The following KCNK2 variants were observed in gnomAD, a reference collection of about 807,000 sequenced individuals.
The protein encoded by KCNK2 is potassium channel subfamily K member 2.
Under a neutral mutation model 40.5 loss-of-function variants are expected in KCNK2, and 21 were observed. The ratio of observed to expected loss-of-function variants is 0.52; its 90% confidence interval spans 0.37 to 0.75. KCNK2 has a LOEUF of 0.75. Among genes scored for constraint, KCNK2 ranks in the 30% least tolerant of loss-of-function variants. KCNK2 has a pLI of 0.00. For missense variants in KCNK2, 399 were observed against 531.6 expected (o/e 0.75, Z 2.45); for synonymous variants, 191 against 202.2 (o/e 0.94, Z 0.47).
intron 2 of KCNK2, among the ~76,000 whole-genome samples, chr1:215,093,392 A>G (rs1659779408): frequency 1.5e-5 from 2 of 136,472 alleles, no homozygotes; most frequent in South Asian, 4.3e-4. Flanking sequence ...CATATAATAT[A>G]CCTATAATAT....
intron 2 of KCNK2, among the ~76,000 whole-genome samples, chr1:215,122,902 G>A (rs1233457317): frequency 2.0e-5 from 3 of 151,606 alleles, no homozygotes; most frequent in South Asian, 2.1e-4. Flanking sequence ...CCGCTACCAC[G>A]CTCGGCTAGT....
chr1:215,102,302 T>C (rs1660256353), intron 2 of KCNK2, among the ~76,000 whole-genome samples: 1 of 151,966 alleles, frequency 6.6e-6, no homozygotes, highest in Non-Finnish European at 1.5e-5. Flanking sequence ...TAGCCTAATA[T>C]GTGTGTTTGT....
At chr1:215,155,249 C>G (rs1235328956) in intron 3 of KCNK2, among the ~76,000 whole-genome samples, 1 of 151,938 alleles carries the variant, frequency 6.6e-6, no homozygotes, top group Non-Finnish European at 1.5e-5. Context: ...CATTTACATA[C>G]TGGAGTCCTT....
chr1:215,147,953 C>CT (rs1292022264), intron 3 of KCNK2, among the ~76,000 whole-genome samples: 5 of 151,946 alleles, frequency 3.3e-5, no homozygotes, highest in Non-Finnish European at 7.4e-5. Context: ...GTATGTTGCT[C>CT]TTTTTTCTCA....
intron 4 of KCNK2, 37 bp downstream of exon 4, chr1:215,169,396 GT>G (rs1663595216): frequency 6.7e-7 from 1 of 1,487,300 alleles, no homozygotes; most frequent in Non-Finnish European, 9.1e-7. Context: ...TATATTTATT[GT>G]TTGATTTTTT....
Position 215,083,194 on chromosome 1 carries a change from T to TGCCC in KCNK2, c.-192_-191insGCCC. The TGCCC allele has an allele frequency of 3.6e-5, 18 of 501,814 alleles. No individual in the cohort carries two copies. Among genetic ancestry groups the TGCCC allele is most frequent in the Non-Finnish European group, 3.6e-5 (11 of 301,554 alleles). 31.1% of individuals were successfully genotyped at this position (501,814 alleles called of 1,614,324 possible). On this transcript the variant is annotated 5_prime_UTR_variant, in exon 1 of 7. Transcript: ENST00000444842. Reference sequence around the variant, plus strand: ...CCCGCGATTTCGTTTCTTCTCACGCTCCCCCCCCCGCCCCCTCCCGCGTCC... The same window carrying TGCCC: ...CCCGCGATTTCGTTTCTTCTCACGCTGCCCCCCCCCCCCGCCCCCTCCCGCGTCC...
At chr1:215,053,784 T>A (rs1383429700) in intron 1 of KCNK2, among the ~76,000 whole-genome samples, 3 of 152,152 alleles carry the variant, frequency 2.0e-5, no homozygotes, top group Non-Finnish European at 2.9e-5. Flanking sequence ...CTGGCCAACA[T>A]GGCAAAACCC....
At chr1:215,016,970 C>G (rs1448217636) in intron 1 of KCNK2, among the ~76,000 whole-genome samples, 1 of 152,038 alleles carries the variant, frequency 6.6e-6, no homozygotes, top group African/African-American at 2.4e-5. Context: ...AGAAGACATA[C>G]AGACAGGTGT....
At chr1:215,205,390 A>G (rs1214792792) in intron 6 of KCNK2, among the ~76,000 whole-genome samples, 1 of 151,976 alleles carries the variant, frequency 6.6e-6, no homozygotes, top group Non-Finnish European at 1.5e-5. Flanking sequence ...GGCACACACC[A>G]CCACGCCCGG....
chr1:215,035,826 C>A (rs1657363745), intron 1 of KCNK2, among the ~76,000 whole-genome samples: 1 of 151,768 alleles, frequency 6.6e-6, no homozygotes, highest in Non-Finnish European at 1.5e-5. Flanking sequence ...ACTTTCGAAC[C>A]CAGCTGTGTA....
intron 3 of KCNK2, among the ~76,000 whole-genome samples, chr1:215,154,937 T>C (rs1662849889): frequency 6.6e-6 from 1 of 152,340 alleles, no homozygotes; most frequent in Non-Finnish European, 1.5e-5. Context: ...CATTGGCCTG[T>C]ATGTCTGTTT....
intron 1 of KCNK2, among the ~76,000 whole-genome samples, chr1:215,027,370 G>C (rs2841599): frequency 0.44 from 66,767 of 151,882 alleles, 16,361 homozygotes; most frequent in Non-Finnish European, 0.55. Context: ...AATACATTGA[G>C]TCTTGGTTTT....
chr1:215,097,045 A>G (rs1256659884), intron 2 of KCNK2, among the ~76,000 whole-genome samples: 1 of 151,940 alleles, frequency 6.6e-6, no homozygotes, highest in African/African-American at 2.4e-5. Flanking sequence ...ATGAACAGCA[A>G]GCAGAATAAT....
chr1:215,043,796 T>G (rs987117199), intron 1 of KCNK2, among the ~76,000 whole-genome samples: 32 of 152,192 alleles, frequency 2.1e-4, no homozygotes, highest in Non-Finnish European at 7.4e-5. Flanking sequence ...TGCTAAAATG[T>G]TATTGTTATA....
intron 2 of KCNK2, among the ~76,000 whole-genome samples, chr1:215,104,443 A>G (rs577006619): frequency 6.6e-6 from 1 of 152,144 alleles, no homozygotes; most frequent in East Asian, 1.9e-4. Context: ...CCTACACAGC[A>G]GCAGTTTGCC....
chr1:215,084,729 CAT>C (rs1659356352), intron 1 of KCNK2, among the ~76,000 whole-genome samples: 1 of 152,118 alleles, frequency 6.6e-6, no homozygotes, highest in South Asian at 2.1e-4. Flanking sequence ...AGGAGAGAAA[CAT>C]GTGCATTCCT....
intron 1 of KCNK2, among the ~76,000 whole-genome samples, chr1:215,046,871 G>C (rs1431870799): frequency 6.6e-6 from 1 of 152,046 alleles, no homozygotes; most frequent in Non-Finnish European, 1.5e-5. Flanking sequence ...ATCACTTTCA[G>C]TGTTAAGCTT....
At chr1:215,011,989 T>C (rs551666249) in intron 1 of KCNK2, among the ~76,000 whole-genome samples, 3 of 152,282 alleles carry the variant, frequency 2.0e-5, no homozygotes, top group African/African-American at 7.2e-5. Context: ...CAGTAGTTTG[T>C]TTCTTTTTAT....
intron 3 of KCNK2, among the ~76,000 whole-genome samples, chr1:215,151,415 T>C (rs1203295549): frequency 6.6e-6 from 1 of 152,114 alleles, no homozygotes; most frequent in Non-Finnish European, 1.5e-5. Flanking sequence ...CTCTGTTCAG[T>C]ACCCTGTCCA....
Sources: gnomAD v4.1 joint callset for allele counts (sites outside exome capture counted in the v4.1 genomes callset) on GRCh38, gnomAD v4.1.1 for gene constraint, MANE v1.5 for transcripts, NCBI Gene and HGNC (gene_info 2026-07-23, HGNC 2026-07-21) for gene names.